EDARADD: variants seen among roughly 807,000 people sequenced by gnomAD.
The protein encoded by EDARADD is EDAR associated via death domain.
A neutral mutation model predicts 25.6 loss-of-function variants in EDARADD; 20 were observed. The ratio of observed to expected loss-of-function variants is 0.78; its 90% CI spans 0.55 to 1.14. The LOEUF is 1.14. Among genes scored for constraint, EDARADD ranks in the 50% most tolerant of loss-of-function variants. EDARADD has a pLI of 0.00. For synonymous variants in EDARADD, 86 were observed against 94.4 expected (o/e 0.91, Z 0.52); for missense variants, 225 against 270.1 (o/e 0.83, Z 1.17).
chr1:236,348,275 C>G (rs114023995), exon 1 of EDARADD: 1 of 152,254 alleles, frequency 6.6e-6, no homozygotes, highest in Admixed American at 6.5e-5. Context: ...TGATCCCGGA[C>G]GACCGTAAGG....
chr1:236,425,549 A>G (rs1657893811), intron 3 of EDARADD, among the ~76,000 whole-genome samples: 1 of 152,202 alleles, frequency 6.6e-6, no homozygotes, highest in African/African-American at 2.4e-5. Context: ...AGCTGCCCCA[A>G]GTGGCCAGTG....
chr1:236,353,486 C>T (rs2102989748), intron 3 of EDARADD, among the ~76,000 whole-genome samples: 1 of 152,128 alleles, frequency 6.6e-6, no homozygotes, highest in Admixed American at 6.5e-5. Flanking sequence ...TCAAGACCAG[C>T]CTGGCCAACA....
chr1:236,400,500 A>G (rs1667595278), intron 1 of EDARADD, among the ~76,000 whole-genome samples: 1 of 152,134 alleles, frequency 6.6e-6, no homozygotes, highest in African/African-American at 2.4e-5. Flanking sequence ...ACCACCACGC[A>G]GCAGCACCCC....
chr1:236,454,680 T>A (rs1334297885), intron 4 of EDARADD, among the ~76,000 whole-genome samples: 1 of 152,202 alleles, frequency 6.6e-6, no homozygotes, highest in Non-Finnish European at 1.5e-5. Context: ...TGAGGGAACC[T>A]GGGACAGTGG....
Position 236,348,287 on chromosome 1 carries a change from A to AG in EDARADD, c.-384+6dup, listed in dbSNP as rs940510194. The AG allele has an allele frequency of 1.6e-4, 24 of 152,232 alleles. 1 individual carries two copies. The highest frequency in any genetic ancestry group is 5.3e-4 in the African/African-American group (22 of 41,456). 9.4% of individuals were successfully genotyped at this position (152,232 alleles called of 1,614,324 possible). A position where few individuals can be genotyped will look rare whatever the true frequency, so the allele number is the denominator to read the frequency against. ...TTCTGATCCCGGACGACCGTAAGGT[A>AG]GGGCCCTACAGACTGACTGGGGAGC... is the stretch of plus-strand genomic sequence containing the variant. On this transcript the variant is annotated splice_donor_region_variant and intron_variant, in intron 1 of 7. Coordinates refer to the EDARADD transcript ENST00000439430.
In EDARADD at chr1:236,484,032, G is replaced by C. The variant is rs1049027068; in HGVS notation, c.*1383G>C. 1 of 1,523,636 alleles carries C rather than the reference G, an allele frequency of 6.6e-7. No homozygotes were observed. Among genetic ancestry groups the C allele is most frequent in the Non-Finnish European group, 9.1e-7 (1 of 1,099,524 alleles). 94.4% of individuals were successfully genotyped at this position (1,523,636 alleles called of 1,614,324 possible). A position where few individuals can be genotyped will look rare whatever the true frequency, so the allele number is the denominator to read the frequency against. ...GTCCTTCATCAAAAACTACCCAGTG[G>C]TGTCTACTGAAGATCCCTTTGACCA... On this transcript the variant is annotated 3_prime_UTR_variant, in exon 6 of 6. Coordinates refer to ENST00000334232, the MANE Select transcript of EDARADD (RefSeq NM_145861.4). This position sits in a 1 kb window ranked among gnomAD's most constrained non-coding sequence, Gnocchi z 4.1.
At chr1:236,369,615 G>A (rs1211919598) in intron 3 of EDARADD, among the ~76,000 whole-genome samples, 1 of 152,104 alleles carries the variant, frequency 6.6e-6, no homozygotes, top group Non-Finnish European at 1.5e-5. Flanking sequence ...GCCGAGGCAG[G>A]TGGATCACCT....
chr1:236,403,447 C>G (rs965218061), intron 1 of EDARADD, among the ~76,000 whole-genome samples: 1 of 151,834 alleles, frequency 6.6e-6, no homozygotes, highest in Non-Finnish European at 1.5e-5. Context: ...GCCACCATGC[C>G]CGGCTAATTT....
At chr1:236,372,411 G>A (rs1667183382) in intron 3 of EDARADD, among the ~76,000 whole-genome samples, 1 of 152,092 alleles carries the variant, frequency 6.6e-6, no homozygotes, top group African/African-American at 2.4e-5. Flanking sequence ...TGCATATCTG[G>A]GCTAAATCTG....
At chr1:236,409,182 C>T in intron 1 of EDARADD, 34 bp from the exon 2 acceptor site, 1 of 1,566,082 alleles carries the variant, frequency 6.4e-7, no homozygotes, top group Non-Finnish European at 8.8e-7. Flanking sequence ...TAAAGCAAAC[C>T]CGCTCTATTT....
intron 5 of EDARADD, among the ~76,000 whole-genome samples, chr1:236,470,852 C>T (rs1252805276): frequency 1.3e-5 from 2 of 152,188 alleles, no homozygotes; most frequent in African/African-American, 2.4e-5. Flanking sequence ...AGACGATCCA[C>T]CCACCTCAGC....
rs1659784512 is a variant in EDARADD, at chr1:236,484,722, A to AAAAT, written c.*2076_*2077insTAAA. On this transcript the variant is annotated 3_prime_UTR_variant, in exon 6 of 6. Transcript: ENST00000334232. This position sits in a 1 kb window ranked among gnomAD's most constrained non-coding sequence, Gnocchi z 4.1. ...AGTCCGTCCCAGAAAAAAAAAAAAA[A>AAAAT]AAAAAGAACTTCTACAGAAGCCAAG... 1 of 317,730 alleles carries AAAAT rather than the reference A, an allele frequency of 3.1e-6. No homozygotes were observed. The highest frequency in any genetic ancestry group is 2.2e-5 in the African/African-American group (1 of 46,484). The allele number at this position is 317,730 out of a possible 1,614,324, so 19.7% of individuals were successfully genotyped here.
rs940030231 is a variant in EDARADD, at chr1:236,484,372, G to A, written c.*1723G>A. ...ACTGGTGCCCCTTGCTGATCTGAGCGCTTGGCCAAGTACAACCAGCTCCTC... is the reference window on the plus strand; with the variant it reads ...ACTGGTGCCCCTTGCTGATCTGAGCACTTGGCCAAGTACAACCAGCTCCTC... On this transcript the variant is annotated 3_prime_UTR_variant, in exon 6 of 6. Coordinates refer to ENST00000334232, the MANE Select transcript of EDARADD (RefSeq NM_145861.4). The surrounding 1 kb of genome is among the most constrained non-coding windows in gnomAD (Gnocchi z 4.1). 113 of 1,576,006 alleles carry A rather than the reference G, an allele frequency of 7.2e-5. No homozygotes were observed. The highest frequency in any genetic ancestry group is 1.7e-4 in the Middle Eastern group (1 of 5,784).
intron 4 of EDARADD, among the ~76,000 whole-genome samples, chr1:236,464,990 G>A (rs535478883): frequency 2.0e-5 from 3 of 152,262 alleles, no homozygotes; most frequent in African/African-American, 7.2e-5. Context: ...TCTCAAGCTT[G>A]TTGTGTGTGA....
intron 3 of EDARADD, among the ~76,000 whole-genome samples, chr1:236,423,250 G>C (rs918629204): frequency 6.6e-6 from 1 of 152,066 alleles, no homozygotes; most frequent in Admixed American, 6.6e-5. Context: ...ACCCAAAAAA[G>C]AGCTAAAAAT....
chr1:236,395,615 C>T lies in EDARADD; in HGVS notation c.61+1110C>T, dbSNP rs777775002. ...CAGCCCCGCTCGGACGCTCGTTTGC[C>T]CCTAACCCGCCGCCATGGCTTCACC... On this transcript the variant is annotated intron_variant, in intron 1 of 5. Transcript: ENST00000334232. This position sits in a 1 kb window ranked among gnomAD's most constrained non-coding sequence, Gnocchi z 6.9. 2.7e-5 allele frequency: 43 copies of T among 1,564,740 alleles called. No homozygotes were observed. The highest frequency in any genetic ancestry group is 2.2e-4 in the South Asian group (19 of 85,320).
At chr1:236,366,265 C>T (rs1367590161) in intron 3 of EDARADD, among the ~76,000 whole-genome samples, 4 of 152,280 alleles carry the variant, frequency 2.6e-5, no homozygotes, top group South Asian at 2.1e-4. Flanking sequence ...TGGATCTTCT[C>T]GTGTCTTGCT....
At chr1:236,353,449 G>A (rs1442337149) in intron 3 of EDARADD, among the ~76,000 whole-genome samples, 2 of 152,048 alleles carry the variant, frequency 1.3e-5, no homozygotes, top group Non-Finnish European at 2.9e-5. Context: ...TGGGAGGCCA[G>A]GGCAGGTGGA....
chr1:236,470,538 C>T (rs1161607736), intron 5 of EDARADD, among the ~76,000 whole-genome samples: 1 of 152,178 alleles, frequency 6.6e-6, no homozygotes, highest in Non-Finnish European at 1.5e-5. Context: ...TTTAATCAGG[C>T]TTCTGGTCAT....
Sources: allele counts gnomAD v4.1 joint callset (sites outside exome capture counted in the v4.1 genomes callset), GRCh38; gene constraint gnomAD v4.1.1; non-coding constraint Gnocchi (gnomAD v3.1); transcripts MANE v1.5; gene names NCBI Gene and HGNC (gene_info 2026-07-23, HGNC 2026-07-21).